Variants in CNTN4 observed in about 807,000 individuals in gnomAD.
The protein encoded by CNTN4 is contactin 4, also known as contactin-4.
A neutral mutation model predicts 122.5 loss-of-function variants in CNTN4; 77 were observed. The observed-to-expected ratio is 0.63, with a 90% CI of 0.52 to 0.76. The LOEUF is 0.76. CNTN4 is among the 30% of genes least tolerant of loss of function. The pLI, the probability that CNTN4 is intolerant of heterozygous loss-of-function variation, is 0.00. For synonymous variants in CNTN4, 512 were observed against 447.0 expected (o/e 1.15, Z -1.83); for missense variants, 1,256 against 1,259.1 (o/e 1.00, Z 0.04).
chr3:2,448,215 A>G (rs1283601563), intron 3 of CNTN4, among the ~76,000 whole-genome samples: 2 of 152,216 alleles, frequency 1.3e-5, no homozygotes, highest in African/African-American at 4.8e-5. Flanking sequence ...GGGGCACGCA[A>G]GAGAAAGAGG....
intron 2 of CNTN4, among the ~76,000 whole-genome samples, chr3:2,159,153 G>C (rs907766287): frequency 6.6e-6 from 1 of 152,120 alleles, no homozygotes; most frequent in African/African-American, 2.4e-5. Flanking sequence ...ATCTGAGAGA[G>C]AGTTGTGTAA....
At chr3:2,970,880 T>C (rs1008854880) in intron 13 of CNTN4, among the ~76,000 whole-genome samples, 1 of 152,118 alleles carries the variant, frequency 6.6e-6, no homozygotes, top group African/African-American at 2.4e-5. Flanking sequence ...CTCCGCCTCC[T>C]GGGTTCAAGT....
intron 12 of CNTN4, among the ~76,000 whole-genome samples, chr3:2,923,811 G>A (rs762020578): frequency 2.1e-4 from 32 of 152,042 alleles, no homozygotes; most frequent in Non-Finnish European, 3.2e-4. Flanking sequence ...TAATTACTAG[G>A]ATGGTTATTG....
intron 13 of CNTN4, among the ~76,000 whole-genome samples, chr3:2,937,900 T>G (rs1239007832): frequency 6.6e-6 from 1 of 151,774 alleles, no homozygotes; most frequent in Non-Finnish European, 1.5e-5. Context: ...CAGCAAGTCA[T>G]GTACAAGAAA....
intron 12 of CNTN4, among the ~76,000 whole-genome samples, chr3:2,909,701 A>G (rs1368801316): frequency 6.6e-6 from 1 of 152,188 alleles, no homozygotes; most frequent in East Asian, 1.9e-4. Flanking sequence ...AAAGCCATTG[A>G]ATTTTCCTAA....
chr3:2,254,213 A>G (rs1000591023), intron 2 of CNTN4, among the ~76,000 whole-genome samples: 1 of 152,168 alleles, frequency 6.6e-6, no homozygotes, highest in Non-Finnish European at 1.5e-5. Flanking sequence ...TGCAAAGGAC[A>G]TGAACTCATC....
intron 3 of CNTN4, among the ~76,000 whole-genome samples, chr3:2,348,596 T>G (rs1019360914): frequency 6.6e-6 from 1 of 152,192 alleles, no homozygotes; most frequent in African/African-American, 2.4e-5. Context: ...TTAAACTTGA[T>G]AGATTTTTTT....
At chr3:2,880,676 A>G (rs909305513) in intron 8 of CNTN4, among the ~76,000 whole-genome samples, 6 of 152,204 alleles carry the variant, frequency 3.9e-5, no homozygotes, top group Admixed American at 1.3e-4. Flanking sequence ...CATGTCAAGC[A>G]TGAGTGTAAT....
chr3:2,643,031 CATT>C (rs2082962136), intron 4 of CNTN4, among the ~76,000 whole-genome samples: 1 of 152,152 alleles, frequency 6.6e-6, no homozygotes, highest in African/African-American at 2.4e-5. Flanking sequence ...CTTTTTAAAA[CATT>C]ATACACAACT....
intron 11 of CNTN4, among the ~76,000 whole-genome samples, chr3:2,901,893 A>G (rs2094178353): frequency 6.6e-6 from 1 of 152,178 alleles, no homozygotes; most frequent in Non-Finnish European, 1.5e-5. Flanking sequence ...TCTGGATGCC[A>G]TGATCTAGTG....
At chr3:2,635,503 C>T (rs921402919) in intron 4 of CNTN4, among the ~76,000 whole-genome samples, 1 of 152,176 alleles carries the variant, frequency 6.6e-6, no homozygotes, top group African/African-American at 2.4e-5. Flanking sequence ...TGTCCAGTGG[C>T]TCCTTCACCA....
chr3:2,558,770 C>G (rs770627445), intron 3 of CNTN4, among the ~76,000 whole-genome samples: 62 of 152,156 alleles, frequency 4.1e-4, no homozygotes, highest in South Asian at 2.1e-4. Context: ...TACTGCAACC[C>G]TAACCCTCAT....
chr3:2,196,308 A>T (rs1018879768), intron 2 of CNTN4, among the ~76,000 whole-genome samples: 2 of 152,180 alleles, frequency 1.3e-5, no homozygotes, highest in African/African-American at 4.8e-5. Context: ...GGCCAACTTT[A>T]TATTTTTACT....
At chr3:2,511,713 T>C (rs1026193091) in intron 3 of CNTN4, 1 of 152,216 alleles carries the variant, frequency 6.6e-6, no homozygotes, top group African/African-American at 2.4e-5. Context: ...TACCAGGTTT[T>C]ACCCCCCTCT....
At chr3:3,029,138 C>A (rs1462490408) in intron 15 of CNTN4, among the ~76,000 whole-genome samples, 1 of 152,112 alleles carries the variant, frequency 6.6e-6, no homozygotes, top group East Asian at 1.9e-4. Flanking sequence ...AGACTTGATC[C>A]GTAAACAGTG....
chr3:2,645,216 A>G (rs930804012), intron 4 of CNTN4, among the ~76,000 whole-genome samples: 5 of 151,214 alleles, frequency 3.3e-5, no homozygotes, highest in South Asian at 2.1e-4. Flanking sequence ...TGCTCTGGGG[A>G]AAAAAAAAGC....
intron 3 of CNTN4, among the ~76,000 whole-genome samples, chr3:2,376,843 C>A (rs1196805166): frequency 6.6e-6 from 1 of 152,152 alleles, no homozygotes; most frequent in Admixed American, 6.5e-5. Context: ...AAGGCACCAG[C>A]TGAATTAACA....
intron 7 of CNTN4, among the ~76,000 whole-genome samples, chr3:2,849,934 A>T (rs1334112868): frequency 2.0e-5 from 3 of 151,166 alleles, no homozygotes; most frequent in African/African-American, 7.3e-5. Flanking sequence ...GAGAAGCCGT[A>T]TGTGTGGAAT....
intron 3 of CNTN4, among the ~76,000 whole-genome samples, chr3:2,400,489 T>C (rs1158624081): frequency 6.9e-6 from 1 of 144,430 alleles, no homozygotes; most frequent in Non-Finnish European, 1.5e-5. Context: ...TTACAAGATA[T>C]TGGAATCACA....
Sources: gnomAD v4.1 joint callset for allele counts (sites outside exome capture counted in the v4.1 genomes callset) on GRCh38, gnomAD v4.1.1 for gene constraint, MANE v1.5 for transcripts, NCBI Gene and HGNC (gene_info 2026-07-23, HGNC 2026-07-21) for gene names.